The following SOX6 variants were observed in gnomAD, a reference collection of about 807,000 sequenced individuals.
The protein encoded by SOX6 is SRY-box transcription factor 6.
SOX6 carries 11 observed loss-of-function variants against 97.8 expected under a neutral mutation model. The observed-to-expected ratio is 0.11, with a 90% confidence interval of 0.07 to 0.19. The LOEUF (loss-of-function observed/expected upper bound fraction) is 0.19. Among genes scored for constraint, SOX6 ranks in the 10% least tolerant of loss-of-function variants. The pLI, the probability that SOX6 is intolerant of heterozygous loss-of-function variation, is 1.00. For synonymous variants in SOX6, 360 were observed against 371.4 expected (o/e 0.97, Z 0.35); for missense variants, 810 against 1,039.5 (o/e 0.78, Z 3.04).
intron 4 of SOX6, among the ~76,000 whole-genome samples, chr11:16,599,671 G>A (rs948553534): frequency 6.6e-6 from 1 of 152,078 alleles, no homozygotes; most frequent in African/African-American, 2.4e-5. Context: ...TCCAATATAT[G>A]TATTGTGCAA....
intron 9 of SOX6, among the ~76,000 whole-genome samples, chr11:16,066,188 T>C (rs1437737492): frequency 6.6e-6 from 1 of 152,082 alleles, no homozygotes; most frequent in Admixed American, 6.5e-5. Context: ...GTCAGAGAAA[T>C]GTAAATCAAA....
At chr11:16,479,001 G>C (rs540060106), upstream of SOX6, among the ~76,000 whole-genome samples, 1 of 152,176 alleles carries the variant, frequency 6.6e-6, no homozygotes, top group Admixed American at 6.5e-5. Flanking sequence ...ATTCAGCGAA[G>C]AGTGACCATG....
chr11:16,497,719 G>C (rs1384738448), intron 4 of SOX6, among the ~76,000 whole-genome samples: 3 of 148,488 alleles, frequency 2.0e-5, no homozygotes, highest in Admixed American at 6.7e-5. Flanking sequence ...GGGAATCAGT[G>C]ATGGAAGATG....
chr11:16,579,302 G>T (rs556657407), intron 4 of SOX6, among the ~76,000 whole-genome samples: 13 of 151,566 alleles, frequency 8.6e-5, no homozygotes, highest in East Asian at 3.9e-4. Flanking sequence ...TATAAAAACA[G>T]TGAAATGCAC....
chr11:16,079,879 C>T (rs1284572730), intron 9 of SOX6, among the ~76,000 whole-genome samples: 1 of 148,374 alleles, frequency 6.7e-6, no homozygotes, highest in Non-Finnish European at 1.5e-5. Context: ...CTCTAATTAG[C>T]TAAAGAAATG....
intron 4 of SOX6, among the ~76,000 whole-genome samples, chr11:16,602,087 C>T (rs1428452751): frequency 6.6e-6 from 1 of 152,150 alleles, no homozygotes; most frequent in South Asian, 2.1e-4. Context: ...TTATATCATG[C>T]TCCATAATAA....
At chr11:16,269,110 C>T (rs1028317767) in intron 3 of SOX6, among the ~76,000 whole-genome samples, 7 of 149,970 alleles carry the variant, frequency 4.7e-5, no homozygotes, top group African/African-American at 1.2e-4. Flanking sequence ...ATAGATCTAA[C>T]GTTATCTTTT....
chr11:16,049,245 G>C (rs1590159562), intron 11 of SOX6, among the ~76,000 whole-genome samples: 1 of 152,038 alleles, frequency 6.6e-6, no homozygotes, highest in African/African-American at 2.4e-5. Context: ...GGCCATATAT[G>C]GGGGAGTATA....
intron 4 of SOX6, among the ~76,000 whole-genome samples, chr11:16,538,391 T>TCGA (rs1165354949): frequency 7.2e-5 from 11 of 152,128 alleles, no homozygotes; most frequent in South Asian, 6.2e-4. Flanking sequence ...GTAAAGACCA[T>TCGA]CGATGCTATG....
intron 2 of SOX6, among the ~76,000 whole-genome samples, chr11:16,726,441 T>C (rs1176056456): frequency 6.6e-6 from 1 of 152,078 alleles, no homozygotes; most frequent in African/African-American, 2.4e-5. Context: ...ATACAATCAA[T>C]AGTGATGGTT....
chr11:16,049,510 T>C (rs1413768619), intron 11 of SOX6, among the ~76,000 whole-genome samples: 1 of 152,202 alleles, frequency 6.6e-6, no homozygotes, highest in Non-Finnish European at 1.5e-5. Flanking sequence ...TTCCTAAGTC[T>C]ATGATTTGCT....
At chr11:16,593,880 C>G (rs1298648417) in intron 4 of SOX6, among the ~76,000 whole-genome samples, 2 of 152,106 alleles carry the variant, frequency 1.3e-5, no homozygotes, top group Non-Finnish European at 2.9e-5. Context: ...ACACCTAAAA[C>G]AGTATTGTTT....
intron 6 of SOX6, among the ~76,000 whole-genome samples, chr11:16,145,166 T>C (rs1850257672): frequency 6.6e-6 from 1 of 152,182 alleles, no homozygotes; most frequent in South Asian, 2.1e-4. Context: ...TCAAGTGGGC[T>C]TCACCCCTGG....
intron 4 of SOX6, among the ~76,000 whole-genome samples, chr11:16,502,604 C>G (rs1325983708): frequency 6.6e-6 from 1 of 151,854 alleles, no homozygotes; most frequent in African/African-American, 2.4e-5. Flanking sequence ...TACACTATAT[C>G]AAGTAGAAGA....
At chr11:16,103,741 G>A (rs999795983) in intron 7 of SOX6, among the ~76,000 whole-genome samples, 8 of 151,890 alleles carry the variant, frequency 5.3e-5, no homozygotes, top group African/African-American at 1.9e-4. Context: ...GGTTGGAATT[G>A]GAGATTATTA....
intron 1 of SOX6, among the ~76,000 whole-genome samples, chr11:16,368,699 A>G (rs781031217): frequency 2.6e-5 from 4 of 152,166 alleles, no homozygotes; most frequent in Non-Finnish European, 4.4e-5. Context: ...TTTCTTAAAT[A>G]TGACACAAGC....
intron 3 of SOX6, among the ~76,000 whole-genome samples, chr11:16,273,236 G>A (rs969923075): frequency 1.4e-4 from 22 of 151,902 alleles, no homozygotes; most frequent in African/African-American, 5.1e-4. Context: ...ATGTGCGTGA[G>A]TCAACAAAAT....
At chr11:16,333,208 T>C (rs912394656) in intron 2 of SOX6, among the ~76,000 whole-genome samples, 9 of 152,226 alleles carry the variant, frequency 5.9e-5, no homozygotes, top group African/African-American at 2.2e-4. Flanking sequence ...AGTAATATGC[T>C]GCGTATCACA....
chr11:16,146,062 G>C (rs1850285487), intron 6 of SOX6, among the ~76,000 whole-genome samples: 1 of 152,102 alleles, frequency 6.6e-6, no homozygotes, highest in Non-Finnish European at 1.5e-5. Flanking sequence ...TAAGCCAAAA[G>C]AACAAAGCTG....
Sources: allele counts gnomAD v4.1 joint callset (sites outside exome capture counted in the v4.1 genomes callset), GRCh38; gene constraint gnomAD v4.1.1; transcripts MANE v1.5; gene names NCBI Gene and HGNC (gene_info 2026-07-23, HGNC 2026-07-21).